The following NCAPD3 variants were observed in gnomAD, a reference collection of about 807,000 sequenced individuals.
NCAPD3 encodes the protein condensin-2 complex subunit D3.
Under a neutral mutation model 182.9 loss-of-function variants are expected in NCAPD3, and 105 were observed. The observed-to-expected ratio is 0.57, with a 90% CI of 0.49 to 0.68. The LOEUF is 0.68. NCAPD3 is among the 30% of genes least tolerant of loss of function. The probability of loss-of-function intolerance (pLI) is 0.00; values close to 1 mark genes in which losing one functional copy is unlikely to be tolerated. For missense variants in NCAPD3, 1,944 were observed against 1,837.0 expected, an observed-to-expected ratio of 1.06 and a Z score of -1.07; for synonymous variants, 815 against 679.9, an observed-to-expected ratio of 1.20 and a Z score of -3.09.
rs1348071363 is a variant in NCAPD3 at position 134,158,480 on chromosome 11, C to A, written c.3883G>T (p.Glu1295Ter). ...APVAQVALCLETVPVPAGQEN... is the reference protein window; with the variant it reads ...APVAQVALCL ...TGGCCAGCAGGAACTGGCACTGTTT[C>A]TAAACACAGGGCAACCTGGTAGAGA... Residue 1295 changes from glutamate to a stop codon, truncating the protein, a stop_gained, in exon 30 of 35, where the codon GAA becomes TAA. Coordinates refer to ENST00000534548, the MANE Select transcript of NCAPD3 (RefSeq NM_015261.3). LOFTEE classifies it high-confidence loss of function. 1 of 1,613,848 alleles carries A rather than the reference C, an allele frequency of 6.2e-7. No homozygotes were observed. The highest frequency in any genetic ancestry group is 8.5e-7 in the Non-Finnish European group (1 of 1,179,998).
chr11:134,213,628 T>TA (rs1010706712), intron 3 of NCAPD3, among the ~76,000 whole-genome samples: 1,574 of 133,256 alleles, frequency 0.012, 20 homozygotes, highest in African/African-American at 0.038. Flanking sequence ...TCGTCTCTCT[T>TA]AAAAAAAAAA....
At chr11:134,217,181 G>A in intron 2 of NCAPD3, 83 bp from the exon 3 acceptor site, 1 of 1,323,182 alleles carries the variant, frequency 7.6e-7, no homozygotes, top group Admixed American at 2.9e-5. Context: ...TAAGTTCTTG[G>A]TGCCTTACAA....
intron 29 of NCAPD3, among the ~76,000 whole-genome samples, chr11:134,159,370 A>G (rs1943515584): frequency 6.6e-6 from 1 of 152,230 alleles, no homozygotes; most frequent in Non-Finnish European, 1.5e-5. Flanking sequence ...ATGTACTTTG[A>G]AGCCATATCA....
At chr11:134,167,633 C>A (rs1447206993) in intron 27 of NCAPD3, among the ~76,000 whole-genome samples, 1 of 129,916 alleles carries the variant, frequency 7.7e-6, no homozygotes, top group Non-Finnish European at 1.6e-5. Flanking sequence ...GAGGGGCACA[C>A]TAGTGAGATG....
At chr11:134,156,271 G>A (rs1258192567) in intron 32 of NCAPD3, among the ~76,000 whole-genome samples, 6 of 152,294 alleles carry the variant, frequency 3.9e-5, no homozygotes, top group Middle Eastern at 3.4e-3. Context: ...GGCCAGGGAC[G>A]AGCGGGGCTG....
chr11:134,210,601 C>T (rs1171161363), intron 3 of NCAPD3, 147 bp from the exon 4 acceptor site: 6 of 711,884 alleles, frequency 8.4e-6, no homozygotes, highest in Admixed American at 5.7e-5. Context: ...CCATTTGCAA[C>T]GTCAGCCTTA....
chr11:134,166,651 C>A (rs1392310301), intron 27 of NCAPD3, among the ~76,000 whole-genome samples: 32 of 65,664 alleles, frequency 4.9e-4, no homozygotes, highest in South Asian at 2.8e-3. Flanking sequence ...CTTGGGGGAG[C>A]AGCACACTCA....
intron 27 of NCAPD3, among the ~76,000 whole-genome samples, chr11:134,165,194 C>T (rs1413370425): frequency 7.0e-6 from 1 of 143,858 alleles, no homozygotes; most frequent in Non-Finnish European, 1.5e-5. Flanking sequence ...GTGAGATGAG[C>T]TTGGGGGAGC....
intron 24 of NCAPD3, among the ~76,000 whole-genome samples, chr11:134,171,831 G>C (rs10750555): frequency 0.45 from 68,330 of 151,892 alleles, 18,069 homozygotes; most frequent in African/African-American, 0.75. Flanking sequence ...TCCAAACACA[G>C]CAGTTCTCTC....
intron 28 of NCAPD3, among the ~76,000 whole-genome samples, chr11:134,160,551 G>A (rs1267822557): frequency 6.6e-6 from 1 of 152,158 alleles, no homozygotes; most frequent in Non-Finnish European, 1.5e-5. Flanking sequence ...GCTCTCAGGG[G>A]ATTCCAACTA....
chr11:134,200,919 T>C (rs1944734011), intron 13 of NCAPD3, among the ~76,000 whole-genome samples: 2 of 152,102 alleles, frequency 1.3e-5, no homozygotes, highest in African/African-American at 2.4e-5. Context: ...TACTGATAGA[T>C]GCTATAACAT....
At chr11:134,158,105 C>A (rs1007154873) in intron 30 of NCAPD3, 38 bp from the exon 31 acceptor site, 12 of 1,602,810 alleles carry the variant, frequency 7.5e-6, no homozygotes, top group Non-Finnish European at 8.5e-6. Flanking sequence ...TTTCTCACTG[C>A]AGACCACTGC....
intron 19 of NCAPD3, among the ~76,000 whole-genome samples, chr11:134,183,393 C>T (rs961094852): frequency 3.9e-5 from 6 of 152,102 alleles, no homozygotes; most frequent in African/African-American, 1.4e-4. Context: ...CATGGTGAAA[C>T]CCTGTCTCTA....
chr11:134,157,558 A>C (rs1330089591), intron 31 of NCAPD3, among the ~76,000 whole-genome samples: 1 of 152,252 alleles, frequency 6.6e-6, no homozygotes, highest in African/African-American at 2.4e-5. Flanking sequence ...GGTTGGAAAG[A>C]AAAGTTCATG....
upstream of NCAPD3, chr11:134,224,113 G>A (rs572681025): frequency 5.7e-6 from 4 of 701,650 alleles, no homozygotes; most frequent in Admixed American, 2.8e-5. Context: ...AGAGAACTGG[G>A]CGGGCCGAAA....
chr11:134,192,599 T>C (rs1329310434), intron 16 of NCAPD3, 90 bp downstream of exon 16: 1 of 1,133,856 alleles, frequency 8.8e-7, no homozygotes, highest in South Asian at 1.4e-5. Context: ...TCTGGAAAGC[T>C]GATTTTTCGA....
chr11:134,186,510 G>A (rs1944408120), intron 16 of NCAPD3, among the ~76,000 whole-genome samples: 1 of 152,140 alleles, frequency 6.6e-6, no homozygotes. Flanking sequence ...ACTGTGCCTG[G>A]CTGTCACTGT....
At position 134,178,845 on chromosome 11, in the gene NCAPD3, GC is replaced by G. The variant is rs1565535693; in HGVS notation, c.2650del (p.Ala884LeufsTer35). 1.9e-6 allele frequency: 3 copies of G among 1,614,142 alleles called. No homozygotes were observed. The highest frequency in any genetic ancestry group is 2.5e-6 in the Non-Finnish European group (3 of 1,180,008). Reference sequence around the variant, plus strand: ...ACAGTGGTCAGCATCAGCAGACGAAGCCAGGACGGACTGAATCAGAAGGAAG... The same window carrying G: ...ACAGTGGTCAGCATCAGCAGACGAAGCAGGACGGACTGAATCAGAAGGAAG... The part of the protein sequence containing the change: ...RIFLLIQSVL[A>X]SSADADHSPS... On this transcript the variant is annotated frameshift_variant, in exon 21 of 35. Transcript: ENST00000534548. LOFTEE classifies it high-confidence loss of function.
At chr11:134,197,082 G>T (rs899957888) in intron 13 of NCAPD3, among the ~76,000 whole-genome samples, 2 of 152,004 alleles carry the variant, frequency 1.3e-5, no homozygotes, top group Admixed American at 1.3e-4. Flanking sequence ...TTAAAAGTGT[G>T]TGGCACCTTC....
Sources: gnomAD v4.1 joint callset for allele counts (sites outside exome capture counted in the v4.1 genomes callset) on GRCh38, gnomAD v4.1.1 for gene constraint, MANE v1.5 for transcripts, NCBI Gene and HGNC (gene_info 2026-07-23, HGNC 2026-07-21) for gene names.